The following RFTN1 variants were observed in gnomAD, a reference collection of about 807,000 sequenced individuals.
RFTN1 encodes the protein raftlin.
In RFTN1, 26 loss-of-function variants were observed where a neutral mutation model predicts 46.5. The ratio of observed to expected loss-of-function variants is 0.56; its 90% CI spans 0.41 to 0.78. RFTN1 has a LOEUF of 0.78. Ranked by LOEUF, RFTN1 falls within the 30% of genes least tolerant of loss-of-function variation. The pLI, the probability that RFTN1 is intolerant of heterozygous loss-of-function variation, is 0.00. For missense variants in RFTN1, 693 were observed against 718.7 expected (o/e 0.96, Z 0.41); for synonymous variants, 261 against 284.2 (o/e 0.92, Z 0.82).
rs570949732 is a variant in RFTN1, at chr3:16,504,249, A to G, written c.-9+9193T>C. Among the ~76,000 whole-genome samples, 14 of 152,338 alleles carry G rather than the reference A, an allele frequency of 9.2e-5. No individual in the cohort carries two copies. The highest frequency in any genetic ancestry group is 9.1e-4 in the Admixed American group (14 of 15,304). On this transcript the variant is annotated intron_variant, in intron 1 of 9. Coordinates refer to ENST00000334133, the MANE Select transcript of RFTN1 (RefSeq NM_015150.2). The surrounding 1 kb of genome is among the most constrained non-coding windows in gnomAD (Gnocchi z 4.4). ...ATAGCACACATAAACTGAAAGAAGA[A>G]ATATTTTTTCTTTCATTCTTAACTA...
chr3:16,472,838 A>G (rs1308981348), intron 2 of RFTN1, among the ~76,000 whole-genome samples: 1 of 152,140 alleles, frequency 6.6e-6, no homozygotes, highest in African/African-American at 2.4e-5. Flanking sequence ...ACACGACCGA[A>G]AGCTGAGGCA....
rs28709430 is a variant in RFTN1 at position 16,487,395 on chromosome 3, T to G, written c.145+6330A>C. On this transcript the variant is annotated intron_variant, in intron 2 of 9. Coordinates refer to ENST00000334133, the MANE Select transcript of RFTN1 (RefSeq NM_015150.2). ...GACCTGAAACCGAATTTTCCTCTCT[T>G]GAAAACAGACTAGAACAGTGTTAAG... 5.6e-3 allele frequency among the ~76,000 whole-genome samples: 860 copies of G among 152,346 alleles called. 6 individuals are homozygous for G. Among genetic ancestry groups the G allele is most frequent in the African/African-American group, 0.019 (807 of 41,582 alleles).
intron 3 of RFTN1, among the ~76,000 whole-genome samples, chr3:16,432,768 T>C (rs1559344143): frequency 1.3e-5 from 2 of 152,220 alleles, no homozygotes; most frequent in African/African-American, 4.8e-5. Context: ...ATGTGTGAAT[T>C]CTGGGTTCGA....
intron 2 of RFTN1, among the ~76,000 whole-genome samples, chr3:16,491,322 C>T (rs1033740815): frequency 6.6e-6 from 1 of 152,132 alleles, no homozygotes; most frequent in South Asian, 2.1e-4. Flanking sequence ...AGCAGCGGAA[C>T]ACCAAAGACA....
rs1255487265 is a variant in RFTN1 at position 16,507,979 on chromosome 3, T to C, written c.-9+5463A>G. On this transcript the variant is annotated intron_variant, in intron 1 of 9. Coordinates refer to ENST00000334133, the MANE Select transcript of RFTN1 (RefSeq NM_015150.2). The surrounding 1 kb of genome is among the most constrained non-coding windows in gnomAD (Gnocchi z 7.1). Reference sequence around the variant, plus strand: ...TTCAGGTGTAAACGCCAGAGAAAGTTGTCAGTGAGGTGCATCTGGCTTCCT... The same window carrying C: ...TTCAGGTGTAAACGCCAGAGAAAGTCGTCAGTGAGGTGCATCTGGCTTCCT... 6.6e-6 allele frequency among the ~76,000 whole-genome samples: 1 copy of C among 152,208 alleles called. No homozygotes were observed.
intron 4 of RFTN1, among the ~76,000 whole-genome samples, chr3:16,390,496 C>T (rs1184859158): frequency 6.6e-6 from 1 of 152,182 alleles, no homozygotes; most frequent in East Asian, 1.9e-4. Context: ...AACACTGCCC[C>T]TGCAGCTTAG....
intron 4 of RFTN1, among the ~76,000 whole-genome samples, chr3:16,403,147 G>A (rs572033006): frequency 1.4e-4 from 21 of 152,256 alleles, no homozygotes; most frequent in South Asian, 4.1e-4. Context: ...TACCCAACAC[G>A]CGTTATGGCC....
Position 16,418,680 on chromosome 3 carries a change from T to A in RFTN1, c.333-9197A>T, listed in dbSNP as rs574296691. Among the ~76,000 whole-genome samples the A allele has an allele frequency of 1.2e-3, 182 of 150,204 alleles. No homozygotes were observed. Among genetic ancestry groups the A allele is most frequent in the African/African-American group, 3.9e-3 (160 of 40,742 alleles). On this transcript the variant is annotated intron_variant, in intron 3 of 9. Transcript: ENST00000334133. This position sits in a 1 kb window ranked among gnomAD's most constrained non-coding sequence, Gnocchi z 5.0. ...AATAGAATAATCAGAACAGCTTATT[T>A]TTTTTTTTTTAAAGAAGTATTAGGG...
intron 2 of RFTN1, among the ~76,000 whole-genome samples, chr3:16,488,993 A>T (rs929824075): frequency 5.9e-5 from 9 of 152,284 alleles, no homozygotes; most frequent in African/African-American, 2.2e-4. Context: ...ACTACTCAGC[A>T]GTAAAACAGA....
At chr3:16,399,836 T>A (rs1222658139) in intron 4 of RFTN1, among the ~76,000 whole-genome samples, 1 of 152,156 alleles carries the variant, frequency 6.6e-6, no homozygotes, top group Non-Finnish European at 1.5e-5. Context: ...CCTCTCCCTC[T>A]CCACGGTGCC....
chr3:16,484,323 C>A lies in RFTN1; in HGVS notation c.145+9402G>T, dbSNP rs1054284141. On this transcript the variant is annotated intron_variant, in intron 2 of 9. Coordinates refer to ENST00000334133, the MANE Select transcript of RFTN1 (RefSeq NM_015150.2). This position sits in a 1 kb window ranked among gnomAD's most constrained non-coding sequence, Gnocchi z 4.6. ...GACTGGAGGTCAAAGAAAAACTGGA[C>A]CTGTAGAAAACTTATTGCGCAATGT... 2.0e-5 allele frequency among the ~76,000 whole-genome samples: 3 copies of A among 152,126 alleles called. No individual in the cohort carries two copies. Among genetic ancestry groups the A allele is most frequent in the Non-Finnish European group, 2.9e-5 (2 of 68,034 alleles).
chr3:16,333,856 CATA>C (rs988665064), intron 7 of RFTN1, among the ~76,000 whole-genome samples: 3 of 152,168 alleles, frequency 2.0e-5, no homozygotes, highest in African/African-American at 7.2e-5. Context: ...TGCAGAATCT[CATA>C]AGAAAAATGC....
rs200423398 is a variant in RFTN1, at chr3:16,426,659, T to TTGTGTGTG, written c.332+7191_332+7192insCACACACA. On this transcript the variant is annotated intron_variant, in intron 3 of 9. Transcript: ENST00000334133. This position sits in a 1 kb window ranked among gnomAD's most constrained non-coding sequence, Gnocchi z 5.9. The stretch of plus-strand genomic sequence containing the variant: ...CACTGTTATTTTGGCAATGAAAGGA[T>TTGTGTGTG]CGTGTGTGTGTGTGTGTGTGTGTGT... Among the ~76,000 whole-genome samples the TTGTGTGTG allele has an allele frequency of 1.6e-5, 1 of 63,612 alleles. No individual in the cohort carries two copies. Among genetic ancestry groups the TTGTGTGTG allele is most frequent in the Non-Finnish European group, 3.0e-5 (1 of 32,814 alleles). 41.7% of individuals were successfully genotyped at this position (63,612 alleles called of 152,430 possible). A position where few individuals can be genotyped will look rare whatever the true frequency, so the allele number is the denominator to read the frequency against.
rs2075282498 is a variant in RFTN1 at position 16,425,974 on chromosome 3, GC to G, written c.332+7876del. Among the ~76,000 whole-genome samples, 2 of 152,056 alleles carry G rather than the reference GC, an allele frequency of 1.3e-5. No individual in the cohort carries two copies. Among genetic ancestry groups the G allele is most frequent in the Admixed American group, 6.6e-5 (1 of 15,256 alleles). Reference sequence around the variant, plus strand: ...GGGCAGCTGCCAGCAACGGGTGTTCGCCCCACCTAAATCGGAATCCAAAATA... The same window carrying G: ...GGGCAGCTGCCAGCAACGGGTGTTCGCCCACCTAAATCGGAATCCAAAATA... On this transcript the variant is annotated intron_variant, in intron 3 of 9. Transcript: ENST00000334133. The surrounding 1 kb of genome is among the most constrained non-coding windows in gnomAD (Gnocchi z 4.3).
rs2070837386 is a variant in RFTN1 at position 16,336,255 on chromosome 3, C to T, written c.1147-9379G>A. Among the ~76,000 whole-genome samples the T allele has an allele frequency of 6.6e-6, 1 of 152,234 alleles. No homozygotes were observed. The highest frequency in any genetic ancestry group is 6.5e-5 in the Admixed American group (1 of 15,288). On this transcript the variant is annotated intron_variant, in intron 7 of 9. Coordinates refer to ENST00000334133, the MANE Select transcript of RFTN1 (RefSeq NM_015150.2). This position sits in a 1 kb window ranked among gnomAD's most constrained non-coding sequence, Gnocchi z 6.0. ...TATCACTGTTCATTCATGAATCTCA[C>T]ATTCAGTCAGCCTGGCTCTGTCTGT...
intron 4 of RFTN1, among the ~76,000 whole-genome samples, chr3:16,399,209 AAGG>A (rs1016242050): frequency 2.0e-5 from 3 of 152,208 alleles, no homozygotes; most frequent in Non-Finnish European, 4.4e-5. Context: ...AAATTATATT[AAGG>A]AGAACAATGA....
rs1220935397 is a variant in RFTN1 at position 16,507,780 on chromosome 3, C to T, written c.-9+5662G>A. ...ACATACACACAAACACACACATACA[C>T]TCACATACACACAAACACACACAAA... On this transcript the variant is annotated intron_variant, in intron 1 of 9. Transcript: ENST00000334133. The surrounding 1 kb of genome is among the most constrained non-coding windows in gnomAD (Gnocchi z 7.1). 2.6e-5 allele frequency among the ~76,000 whole-genome samples: 4 copies of T among 151,196 alleles called. No individual in the cohort carries two copies. The East Asian group carries it at 5.8e-4, about 22-fold the overall frequency.
At chr3:16,463,446 T>C (rs1396041752) in intron 2 of RFTN1, among the ~76,000 whole-genome samples, 1 of 152,240 alleles carries the variant, frequency 6.6e-6, no homozygotes, top group Non-Finnish European at 1.5e-5. Context: ...TTCTGCTACA[T>C]ATGATCTCTC....
intron 1 of RFTN1, among the ~76,000 whole-genome samples, chr3:16,511,455 G>A (rs1372107477): frequency 1.3e-5 from 2 of 152,302 alleles, no homozygotes; most frequent in African/African-American, 4.8e-5. Flanking sequence ...GAGGTGTGTA[G>A]TTAAGCAAAG....
Sources: allele counts gnomAD v4.1 joint callset (sites outside exome capture counted in the v4.1 genomes callset), GRCh38; gene constraint gnomAD v4.1.1; non-coding constraint Gnocchi (gnomAD v3.1); transcripts MANE v1.5; gene names NCBI Gene and HGNC (gene_info 2026-07-23, HGNC 2026-07-21).